LRP1: variants seen among roughly 807,000 people sequenced by gnomAD.
The protein encoded by LRP1 is LDL receptor related protein 1, also known as prolow-density lipoprotein receptor-related protein 1.
Under a neutral mutation model 541.5 loss-of-function variants are expected in LRP1, and 51 were observed. The observed-to-expected ratio is 0.09, with a 90% CI of 0.08 to 0.12. The LOEUF is 0.12. Ranked by LOEUF, LRP1 falls within the 10% of genes least tolerant of loss-of-function variation. The probability of loss-of-function intolerance (pLI) is 1.00; values close to 1 mark genes in which losing one functional copy is unlikely to be tolerated. For synonymous variants in LRP1, 2,219 were observed against 2,470.8 expected, an observed-to-expected ratio of 0.90 and a Z score of 3.02; for missense variants, 3,878 against 6,376.2, an observed-to-expected ratio of 0.61 and a Z score of 13.34.
chr12:57,139,612 A>G (rs1197418417), intron 2 of LRP1, among the ~76,000 whole-genome samples: 2 of 152,054 alleles, frequency 1.3e-5, no homozygotes, highest in Non-Finnish European at 2.9e-5. Context: ...ACCTCACCTT[A>G]TATGCATTAC....
At position 57,160,013 on chromosome 12, in the gene LRP1, C is replaced by T. The variant is rs780706465; in HGVS notation, c.1979+8C>T. ...GGTGGATCCACTCAATGGGTGAGTC[C>T]TCCCAGGCCTTGGGGTGGGAGGAGC... On this transcript the variant is annotated splice_region_variant and intron_variant, in intron 12 of 88. Coordinates refer to ENST00000243077, the MANE Select transcript of LRP1 (RefSeq NM_002332.3). 3.7e-6 allele frequency: 6 copies of T among 1,613,030 alleles called. No homozygotes were observed.
chr12:57,160,973 C>T lies in LRP1; in HGVS notation c.2060C>T (p.Ser687Leu), dbSNP rs2035718598. 5 of 1,608,474 alleles carry T rather than the reference C, an allele frequency of 3.1e-6. No homozygotes were observed. The highest frequency in any genetic ancestry group is 1.7e-5 in the Admixed American group (1 of 59,570). The change falls in exon 13 of 89, where the codon TCA becomes TTA. Residue 687 changes from serine to leucine, a missense_variant. This residue lies in a region of LRP1 where 496 missense variants were observed against 861.0 expected (regional missense o/e 0.58). Coordinates refer to ENST00000243077, the MANE Select transcript of LRP1 (RefSeq NM_002332.3). ...GRLERAWMDGSHRDIFVTSKT... is the reference protein window; with the variant it reads ...GRLERAWMDGLHRDIFVTSKT... ...CTGGAGAGGGCGTGGATGGATGGCT[C>T]ACACCGAGACATCTTTGTCACCTCC...
chr12:57,169,389 C>T, intron 20 of LRP1, 82 bp downstream of exon 20: 3 of 1,350,144 alleles, frequency 2.2e-6, no homozygotes, highest in Non-Finnish European at 2.0e-6. Flanking sequence ...GTCTTTCAGA[C>T]CCACGGTGTG....
At chr12:57,169,823 C>G (rs2035911379) in intron 20 of LRP1, among the ~76,000 whole-genome samples, 1 of 152,236 alleles carries the variant, frequency 6.6e-6, no homozygotes, top group Non-Finnish European at 1.5e-5. Flanking sequence ...AGTGCCCTGG[C>G]CTCTGGGGCC....
chr12:57,186,270 C>T (rs1214552198), intron 41 of LRP1, among the ~76,000 whole-genome samples: 1 of 152,166 alleles, frequency 6.6e-6, no homozygotes, highest in Non-Finnish European at 1.5e-5. Flanking sequence ...TTCTCATCTG[C>T]GTGGATGAGT....
Position 57,189,146 on chromosome 12 carries a change from A to C in LRP1, c.7032-1659A>C, listed in dbSNP as rs2036327461. Among the ~76,000 whole-genome samples, 2 of 152,200 alleles carry C rather than the reference A, an allele frequency of 1.3e-5. No individual in the cohort carries two copies. Among genetic ancestry groups the C allele is most frequent in the African/African-American group, 4.8e-5 (2 of 41,444 alleles). ...TTCCTGGACACTGAGCACCTACCCCAGGAAAGCCTCTCTCTCCCTCCTGCC... is the reference window on the plus strand; with the variant it reads ...TTCCTGGACACTGAGCACCTACCCCCGGAAAGCCTCTCTCTCCCTCCTGCC... On this transcript the variant is annotated intron_variant, in intron 42 of 88. Transcript: ENST00000243077. This position sits in a 1 kb window ranked among gnomAD's most constrained non-coding sequence, Gnocchi z 4.4.
intron 81 of LRP1, 60 bp from the exon 82 acceptor site, chr12:57,210,247 G>A: frequency 6.5e-7 from 1 of 1,548,506 alleles, no homozygotes; most frequent in Non-Finnish European, 8.7e-7. Context: ...CCCTGACCTT[G>A]TTGCCTGTCC....
chr12:57,178,639 G>A lies in LRP1; in HGVS notation c.4606+36G>A, dbSNP rs767411953. ...CGGGGCCTCGAGCAGCCGGAAGGGAGCCAGCAGCCTCTTTAGAAGCTGTAG... is the reference window on the plus strand; with the variant it reads ...CGGGGCCTCGAGCAGCCGGAAGGGAACCAGCAGCCTCTTTAGAAGCTGTAG... On this transcript the variant is annotated intron_variant, in intron 27 of 88. Coordinates refer to ENST00000243077, the MANE Select transcript of LRP1 (RefSeq NM_002332.3). The surrounding 1 kb of genome is among the most constrained non-coding windows in gnomAD (Gnocchi z 5.8). 1 of 1,612,860 alleles carries A rather than the reference G, an allele frequency of 6.2e-7. No individual in the cohort carries two copies. The highest frequency in any genetic ancestry group is 1.3e-5 in the African/African-American group (1 of 75,008).
At chr12:57,145,659 G>A (rs773001813) in intron 6 of LRP1, among the ~76,000 whole-genome samples, 169 bp downstream of exon 6, 25 of 152,160 alleles carry the variant, frequency 1.6e-4, no homozygotes, top group Admixed American at 5.2e-4. Context: ...CAGAGCCACC[G>A]GCACGCTCCC....
intron 2 of LRP1, 86 bp downstream of exon 2, chr12:57,138,667 CCCTAG>C: frequency 6.4e-7 from 1 of 1,552,214 alleles, no homozygotes; most frequent in Non-Finnish European, 8.8e-7. Flanking sequence ...GACAGCTGAT[CCCTAG>C]CCTGATGTGG....
Position 57,156,691 on chromosome 12 carries a change from G to A in LRP1, c.1418-86G>A. 1 of 1,422,548 alleles carries A rather than the reference G, an allele frequency of 7.0e-7. No homozygotes were observed. Among genetic ancestry groups the A allele is most frequent in the Non-Finnish European group, 9.5e-7 (1 of 1,050,486 alleles). 88.1% of individuals were successfully genotyped at this position (1,422,548 alleles called of 1,614,324 possible). A position where few individuals can be genotyped will look rare whatever the true frequency, so the allele number is the denominator to read the frequency against. On this transcript the variant is annotated intron_variant, in intron 9 of 88. Coordinates refer to ENST00000243077, the MANE Select transcript of LRP1 (RefSeq NM_002332.3). This position sits in a 1 kb window ranked among gnomAD's most constrained non-coding sequence, Gnocchi z 5.2. ...AGCAAGCACAAAGACCACAGCAGCA[G>A]GGGGTGTGGTCAGATTCAGGAAGCC...
chr12:57,138,522 G>C lies in LRP1; in HGVS notation c.131G>C (p.Gly44Ala). The stretch of plus-strand genomic sequence containing the variant: ...GATCAAATAACCTGTATCTCAAAGG[G>C]CTGGCGGTGCGACGGTGAGAGGGAC... ...CRDQITCISK[G>A]WRCDGERDCP... is the part of the protein sequence containing the mutation. Residue 44 changes from glycine to alanine, a missense_variant, in exon 2 of 89, where the codon GGC becomes GCC. This residue lies in a region of LRP1 where 293 missense variants were observed against 403.7 expected (regional missense o/e 0.73). Coordinates refer to ENST00000243077, the MANE Select transcript of LRP1 (RefSeq NM_002332.3). 1 of 1,614,082 alleles carries C rather than the reference G, an allele frequency of 6.2e-7. No homozygotes were observed. The highest frequency in any genetic ancestry group is 8.5e-7 in the Non-Finnish European group (1 of 1,179,996).
At chr12:57,187,108 T>A (rs1420903179) in intron 41 of LRP1, among the ~76,000 whole-genome samples, 159 bp from the exon 42 acceptor site, 1 of 152,182 alleles carries the variant, frequency 6.6e-6, no homozygotes, top group Non-Finnish European at 1.5e-5. Flanking sequence ...AGTCAGACCC[T>A]GGTGCCCCCG....
At position 57,209,148 on chromosome 12, in the gene LRP1, A is replaced by T. The variant is rs780786245; in HGVS notation, c.12211A>T (p.Ser4071Cys). Residue 4071 changes from serine to cysteine, a missense_variant, in exon 79 of 89, where the codon AGC becomes TGC. Ser to Cys is a moderately radical substitution (Grantham distance 112, BLOSUM62 -1). This residue lies in a region of LRP1 where 871 missense variants were observed against 1,212.4 expected (regional missense o/e 0.72). Transcript: ENST00000243077. ...WADAKLSVIG[S>C]IRLNGTDPIV... is the part of the protein sequence containing the mutation. ...AGACGCCAAGCTTTCAGTCATCGGC[A>T]GCATCCGGCTCAATGGCACGGACCC... The T allele has an allele frequency of 6.2e-7, 1 of 1,614,150 alleles. No individual in the cohort carries two copies.
chr12:57,144,811 G>A, intron 4 of LRP1, 161 bp from the exon 5 acceptor site: 1 of 690,782 alleles, frequency 1.4e-6, no homozygotes, highest in Non-Finnish European at 2.5e-6. Flanking sequence ...GACTGGACTT[G>A]CTGGGTGTTA....
Position 57,203,181 on chromosome 12 carries a change from C to T in LRP1, c.10712C>T (p.Thr3571Ile). Reference sequence around the variant, plus strand: ...GCCTGTCTCCCCCTGTCCTTCCCAGCCCCTCGGCCCTGCTCCGAGAGTGAG... The same window carrying T: ...GCCTGTCTCCCCCTGTCCTTCCCAGTCCCTCGGCCCTGCTCCGAGAGTGAG... ...CGDNSDEESC[T>I]PRPCSESEFS... Residue 3571 changes from threonine to isoleucine, a missense_variant and splice_region_variant, in exon 69 of 89, where the codon ACC (threonine) becomes ATC (isoleucine). Coordinates refer to ENST00000243077, the MANE Select transcript of LRP1 (RefSeq NM_002332.3). The T allele has an allele frequency of 6.3e-7, 1 of 1,578,856 alleles. No homozygotes were observed. The highest frequency in any genetic ancestry group is 8.6e-7 in the Non-Finnish European group (1 of 1,161,394).
rs373387915 is a variant in LRP1, at chr12:57,197,286, C to A, written c.9077-13C>A. Reference sequence around the variant, plus strand: ...AATGTGCCAGGAGCTGAGGCAAGATCCTCTGTCTGCAGACGAGGAACCGTT... The same window carrying A: ...AATGTGCCAGGAGCTGAGGCAAGATACTCTGTCTGCAGACGAGGAACCGTT... On this transcript the variant is annotated splice_polypyrimidine_tract_variant and intron_variant, in intron 56 of 88. Coordinates refer to ENST00000243077, the MANE Select transcript of LRP1 (RefSeq NM_002332.3). The surrounding 1 kb of genome is among the most constrained non-coding windows in gnomAD (Gnocchi z 4.5). The A allele has an allele frequency of 1.3e-4, 202 of 1,613,710 alleles. 1 individual carries two copies. The African/African-American group carries it at 2.3e-3, about 19-fold the overall frequency.
At position 57,162,779 on chromosome 12, in the gene LRP1, G is replaced by A. The variant is rs1403751078; in HGVS notation, c.2405-79G>A. ...CCTCTTTCTGTCCCCACATCTTAAT[G>A]TGTCTCCTCCCCTATCCCTTCTCTG... On this transcript the variant is annotated intron_variant, in intron 14 of 88. Coordinates refer to ENST00000243077, the MANE Select transcript of LRP1 (RefSeq NM_002332.3). This position sits in a 1 kb window ranked among gnomAD's most constrained non-coding sequence, Gnocchi z 5.2. 5.5e-6 allele frequency: 8 copies of A among 1,451,284 alleles called. No individual in the cohort carries two copies. Among genetic ancestry groups the A allele is most frequent in the South Asian group, 1.3e-5 (1 of 77,852 alleles). 89.9% of individuals were successfully genotyped at this position (1,451,284 alleles called of 1,614,324 possible). A position where few individuals can be genotyped will look rare whatever the true frequency, so the allele number is the denominator to read the frequency against.
In LRP1 at chr12:57,185,357, A is replaced by G; in HGVS notation, c.6463+152A>G. On this transcript the variant is annotated intron_variant, in intron 40 of 88. Coordinates refer to ENST00000243077, the MANE Select transcript of LRP1 (RefSeq NM_002332.3). This position sits in a 1 kb window ranked among gnomAD's most constrained non-coding sequence, Gnocchi z 4.9. Reference sequence around the variant, plus strand: ...CCCGAGAGACCCAGGGATGGGGAGGAAAGGCTGAGGTGCTCTGGGACAGAT... The same window carrying G: ...CCCGAGAGACCCAGGGATGGGGAGGGAAGGCTGAGGTGCTCTGGGACAGAT... The G allele has an allele frequency of 1.5e-6, 2 of 1,373,774 alleles. No individual in the cohort carries two copies. Among genetic ancestry groups the G allele is most frequent in the South Asian group, 1.4e-5 (1 of 71,598 alleles). 85.1% of individuals were successfully genotyped at this position (1,373,774 alleles called of 1,614,324 possible).
Sources: allele counts gnomAD v4.1 joint callset (sites outside exome capture counted in the v4.1 genomes callset), GRCh38; gene constraint gnomAD v4.1.1; regional missense constraint gnomAD v4.1.1; non-coding constraint Gnocchi (gnomAD v3.1); transcripts MANE v1.5; gene names NCBI Gene and HGNC (gene_info 2026-07-23, HGNC 2026-07-21).